The following MATN2 variants were observed in gnomAD, a reference collection of about 807,000 sequenced individuals.
MATN2 encodes the protein matrilin-2.
A neutral mutation model predicts 103.2 loss-of-function variants in MATN2; 69 were observed. The observed-to-expected ratio is 0.67, with a 90% CI of 0.55 to 0.82. The LOEUF is 0.82. Ranked by LOEUF, MATN2 falls within the 40% of genes least tolerant of loss-of-function variation. The probability of loss-of-function intolerance (pLI) is 0.00; values close to 1 mark genes in which losing one functional copy is unlikely to be tolerated. For synonymous variants in MATN2, 429 were observed against 450.2 expected (o/e 0.95, Z 0.60); for missense variants, 1,023 against 1,211.5 (o/e 0.84, Z 2.31).
intron 6 of MATN2, among the ~76,000 whole-genome samples, chr8:97,988,631 C>G (rs763092454): frequency 6.6e-6 from 1 of 151,698 alleles, no homozygotes; most frequent in South Asian, 2.1e-4. Flanking sequence ...CTCCCCAGAC[C>G]GACCAAAAAC....
At chr8:97,979,645 CAT>C (rs1811956234) in intron 6 of MATN2, among the ~76,000 whole-genome samples, 2 of 152,056 alleles carry the variant, frequency 1.3e-5, no homozygotes, top group South Asian at 4.1e-4. Context: ...TATAAAGGTA[CAT>C]CAGGAGACTT....
At chr8:98,013,584 GAAA>G (rs1813251364) in intron 10 of MATN2, among the ~76,000 whole-genome samples, 1 of 152,190 alleles carries the variant, frequency 6.6e-6, no homozygotes, top group Non-Finnish European at 1.5e-5. Context: ...ATGGGGCTAG[GAAA>G]AAGTCTAAAG....
chr8:98,021,178 T>TTG (rs749698683), intron 12 of MATN2, 27 bp from the exon 13 acceptor site: 118 of 1,609,702 alleles, frequency 7.3e-5, no homozygotes, highest in Non-Finnish European at 9.9e-5. Context: ...ACTGATGGGA[T>TTG]TGTTCAACTC....
intron 7 of MATN2, among the ~76,000 whole-genome samples, chr8:97,998,995 T>A (rs879448431): frequency 6.6e-6 from 1 of 152,164 alleles, no homozygotes; most frequent in Admixed American, 6.5e-5. Context: ...AAACAATAAT[T>A]CCCCAGCTCC....
intron 16 of MATN2, 96 bp downstream of exon 16, chr8:98,032,413 T>TGAAGGC: frequency 1.1e-6 from 1 of 920,452 alleles, no homozygotes; most frequent in Admixed American, 2.5e-5. Flanking sequence ...GTAAGTATGT[T>TGAAGGC]CAAATTATGA....
chr8:97,964,231 C>A (rs1347441132), intron 5 of MATN2, among the ~76,000 whole-genome samples: 1 of 152,168 alleles, frequency 6.6e-6, no homozygotes, highest in South Asian at 2.1e-4. Context: ...GTGGCCTAAC[C>A]TGAGGGCCAG....
chr8:98,002,739 A>T lies in MATN2; in HGVS notation c.1205-922A>T, dbSNP rs538882378. Among the ~76,000 whole-genome samples the T allele has an allele frequency of 3.3e-5, 5 of 152,192 alleles. No homozygotes were observed. In the South Asian group the frequency reaches 1.0e-3, roughly 32 times the overall value. Reference sequence around the variant, plus strand: ...CTTCAGGTGCCAGGCCCTCTTTTAAACAAGCTCCTGGAGAGCAGGAGCTAT... The same window carrying T: ...CTTCAGGTGCCAGGCCCTCTTTTAATCAAGCTCCTGGAGAGCAGGAGCTAT... On this transcript the variant is annotated intron_variant, in intron 7 of 18. Transcript: ENST00000254898.
chr8:97,962,162 T>C (rs1215518056), intron 5 of MATN2, among the ~76,000 whole-genome samples: 2 of 152,216 alleles, frequency 1.3e-5, no homozygotes, highest in African/African-American at 4.8e-5. Flanking sequence ...CATGGTCTCA[T>C]TCCTCCTTAT....
intron 2 of MATN2, among the ~76,000 whole-genome samples, chr8:97,897,963 T>C (rs1818867760): frequency 6.6e-6 from 1 of 152,078 alleles, no homozygotes; most frequent in South Asian, 2.1e-4. Context: ...ACAGATCCTC[T>C]CTCTCCCCTT....
chr8:97,996,945 C>T (rs755929414), intron 7 of MATN2, among the ~76,000 whole-genome samples: 91 of 152,186 alleles, frequency 6.0e-4, no homozygotes, highest in Middle Eastern at 3.4e-3. Flanking sequence ...TTGATGTCAT[C>T]GAAATTAAAC....
rs1812995242 is a variant in MATN2, at chr8:98,007,036, T to G, written c.1328-69T>G. 1 of 1,529,066 alleles carries G rather than the reference T, an allele frequency of 6.5e-7. No homozygotes were observed. The allele number at this position is 1,529,066 out of a possible 1,614,324, so 94.7% of individuals were successfully genotyped here. On this transcript the variant is annotated intron_variant, in intron 8 of 18. Coordinates refer to ENST00000254898, the MANE Select transcript of MATN2 (RefSeq NM_002380.5). This position sits in a 1 kb window ranked among gnomAD's most constrained non-coding sequence, Gnocchi z 4.2. Reference sequence around the variant, plus strand: ...CTTGTTATGCCTCCGGTTTTGTTTTTGAATCTTGGTTGCTGGTGGGGTATT... The same window carrying G: ...CTTGTTATGCCTCCGGTTTTGTTTTGGAATCTTGGTTGCTGGTGGGGTATT...
intron 12 of MATN2, among the ~76,000 whole-genome samples, chr8:98,020,337 G>A (rs111326056): frequency 3.6e-4 from 55 of 152,074 alleles, no homozygotes; most frequent in African/African-American, 1.2e-3. Context: ...GTAGAGACAT[G>A]GTTTCACCAT....
intron 1 of MATN2, among the ~76,000 whole-genome samples, chr8:97,876,707 T>C (rs1818085024): frequency 6.6e-6 from 1 of 152,280 alleles, no homozygotes. Flanking sequence ...CATAAACCCA[T>C]GTGTAACCAG....
At chr8:97,988,165 A>T (rs1481569499) in intron 6 of MATN2, among the ~76,000 whole-genome samples, 12 of 56,278 alleles carry the variant, frequency 2.1e-4, no homozygotes, top group South Asian at 8.0e-4. Context: ...AAAAAAAAAA[A>T]AAAAAAATAT....
intron 2 of MATN2, among the ~76,000 whole-genome samples, chr8:97,918,251 G>T (rs1488026639): frequency 1.3e-5 from 2 of 152,088 alleles, no homozygotes; most frequent in Non-Finnish European, 2.9e-5. Context: ...CTCTACAGTC[G>T]CCTCTATACT....
rs772559727 is a variant in MATN2 at position 97,999,485 on chromosome 8, G to A, written c.1205-4176G>A. Reference sequence around the variant, plus strand: ...GTGATTCCTACAGGCAGTAGACTGCGGGCCCTTCCTGTTCTGTGTTTGTCT... The same window carrying A: ...GTGATTCCTACAGGCAGTAGACTGCAGGCCCTTCCTGTTCTGTGTTTGTCT... On this transcript the variant is annotated intron_variant, in intron 7 of 18. Transcript: ENST00000254898. 2.0e-5 allele frequency among the ~76,000 whole-genome samples: 3 copies of A among 152,140 alleles called. 1 individual carries two copies. The highest frequency in any genetic ancestry group is 4.1e-4 in the South Asian group (2 of 4,832).
chr8:97,883,101 C>A (rs991211142), intron 1 of MATN2, among the ~76,000 whole-genome samples: 39 of 152,004 alleles, frequency 2.6e-4, no homozygotes, highest in African/African-American at 9.2e-4. Flanking sequence ...GTCAGGAGTT[C>A]GAGACTGGCC....
chr8:97,992,125 G>A (rs1480518923), intron 6 of MATN2, among the ~76,000 whole-genome samples: 1 of 152,170 alleles, frequency 6.6e-6, no homozygotes. Context: ...CTGCAGTTAT[G>A]TAAGAGAATA....
At chr8:97,914,403 C>T (rs1809552038) in intron 2 of MATN2, among the ~76,000 whole-genome samples, 1 of 108,616 alleles carries the variant, frequency 9.2e-6, no homozygotes, top group Admixed American at 1.5e-4. Context: ...CAGGGTCTTG[C>T]TCTGTGGCCC....
Sources: gnomAD v4.1 joint callset for allele counts (sites outside exome capture counted in the v4.1 genomes callset) on GRCh38, gnomAD v4.1.1 for gene constraint, Gnocchi (gnomAD v3.1) non-coding constraint, MANE v1.5 for transcripts, NCBI Gene and HGNC (gene_info 2026-07-23, HGNC 2026-07-21) for gene names.